The following TMEM178A variants were observed in gnomAD, a reference collection of about 807,000 sequenced individuals.
The protein encoded by TMEM178A is transmembrane protein 178.
Under a neutral mutation model 29.1 loss-of-function variants are expected in TMEM178A, and 12 were observed. The ratio of observed to expected loss-of-function variants is 0.41; its 90% CI spans 0.26 to 0.67. TMEM178A has a LOEUF of 0.67. Among genes scored for constraint, TMEM178A ranks in the 30% least tolerant of loss-of-function variants. TMEM178A has a pLI of 0.29. For synonymous variants in TMEM178A, 210 were observed against 187.2 expected (o/e 1.12, Z -0.99); for missense variants, 366 against 419.1 (o/e 0.87, Z 1.11).
At chr2:39,670,898 TTTG>T (rs1475597307) in intron 1 of TMEM178A, among the ~76,000 whole-genome samples, 12 of 152,224 alleles carry the variant, frequency 7.9e-5, no homozygotes, top group Admixed American at 7.9e-4. Flanking sequence ...TTATATATAC[TTTG>T]TGCATGTCAA....
chr2:39,726,787 A>C, the TMEM178A span, among the ~76,000 whole-genome samples: 1 of 152,126 alleles, frequency 6.6e-6, no homozygotes, highest in South Asian at 2.1e-4. Flanking sequence ...AAATGGTAGA[A>C]ATAATGTGTA....
intron 1 of TMEM178A, among the ~76,000 whole-genome samples, chr2:39,669,455 T>C (rs1670318986): frequency 6.6e-6 from 1 of 152,208 alleles, no homozygotes; most frequent in African/African-American, 2.4e-5. Context: ...ATTAGTCTAC[T>C]TAAGAGAAAT....
At chr2:39,694,940 T>G (rs1671474277) in intron 1 of TMEM178A, among the ~76,000 whole-genome samples, 2 of 152,234 alleles carry the variant, frequency 1.3e-5, no homozygotes, top group African/African-American at 4.8e-5. Context: ...TTGGGACTGG[T>G]TTAGCCATTT....
intron 1 of TMEM178A, among the ~76,000 whole-genome samples, chr2:39,674,146 A>G (rs1027596548): frequency 6.6e-6 from 1 of 152,262 alleles, no homozygotes; most frequent in African/African-American, 2.4e-5. Context: ...GGCTGAACTA[A>G]GGAGTGGCGG....
intron 1 of TMEM178A, among the ~76,000 whole-genome samples, chr2:39,674,672 T>TA (rs1004768958): frequency 1.3e-4 from 20 of 151,622 alleles, no homozygotes; most frequent in South Asian, 2.1e-4. Context: ...AAAAACAAAA[T>TA]AAAAAAAATT....
chr2:39,682,668 G>C (rs1572658630), intron 1 of TMEM178A, among the ~76,000 whole-genome samples: 1 of 152,234 alleles, frequency 6.6e-6, no homozygotes, highest in East Asian at 1.9e-4. Context: ...ATTTTTCTGT[G>C]TTCTAATGAG....
At chr2:39,699,518 G>T (rs1333540589) in intron 1 of TMEM178A, among the ~76,000 whole-genome samples, 2 of 151,380 alleles carry the variant, frequency 1.3e-5, no homozygotes, top group African/African-American at 4.9e-5. Context: ...GTGCAGTGGT[G>T]CAATCTCAGC....
chr2:39,666,050 A>T lies in TMEM178A; in HGVS notation c.76A>T (p.Ile26Phe). 2 of 1,562,684 alleles carry T rather than the reference A, an allele frequency of 1.3e-6. No individual in the cohort carries two copies. The change falls in exon 1 of 4, where the codon ATC becomes TTC. Residue 26 changes from isoleucine (I) to phenylalanine (F), a missense_variant. Coordinates refer to ENST00000281961, the MANE Select transcript of TMEM178A (RefSeq NM_152390.3). Reference protein sequence around the residue: ...LCSLGLLVTAIFTDHWYETDP... With the variant: ...LCSLGLLVTAFFTDHWYETDP... ...CTCCCTGGGGCTGCTCGTCACGGCC[A>T]TCTTCACCGACCACTGGTACGAGAC...
chr2:39,699,473 T>C (rs961512963), intron 1 of TMEM178A, among the ~76,000 whole-genome samples: 2 of 152,052 alleles, frequency 1.3e-5, no homozygotes, highest in Admixed American at 1.3e-4. Context: ...TGTTTTTGTT[T>C]TGAGACAGAG....
chr2:39,731,578 A>G, the TMEM178A span, among the ~76,000 whole-genome samples: 4 of 152,170 alleles, frequency 2.6e-5, no homozygotes, highest in Non-Finnish European at 5.9e-5. Context: ...CTCCCTCAAG[A>G]GGGCATTGAT....
In TMEM178A at chr2:39,717,069, C is replaced by T. The variant is rs1672573255; in HGVS notation, c.712C>T (p.Arg238Trp). Residue 238 changes from arginine (R) to tryptophan (W), a missense_variant, in exon 4 of 4, where the codon CGG becomes TGG. Arg to Trp is a moderately radical substitution (Grantham distance 101, BLOSUM62 -3). Coordinates refer to ENST00000281961, the MANE Select transcript of TMEM178A (RefSeq NM_152390.3). ...CGCCAGTATCTCGTATGATTTGAAC[C>T]GGCTCCCAAAGCTAATTTATAGCCT... ...YAASISYDLN[R>W]LPKLIYSLPA... The T allele has an allele frequency of 1.2e-6, 2 of 1,610,426 alleles. No individual in the cohort carries two copies. The highest frequency in any genetic ancestry group is 8.5e-7 in the Non-Finnish European group (1 of 1,179,364).
chr2:39,713,565 T>C (rs1483220446), intron 3 of TMEM178A, among the ~76,000 whole-genome samples: 1 of 152,202 alleles, frequency 6.6e-6, no homozygotes, highest in Non-Finnish European at 1.5e-5. Context: ...GAGGAGAGAC[T>C]ATGTGAAGAC....
the TMEM178A span, among the ~76,000 whole-genome samples, chr2:39,735,584 G>A: frequency 1.9e-4 from 29 of 152,280 alleles, no homozygotes; most frequent in Admixed American, 1.1e-3. Flanking sequence ...ACCGAGTAAC[G>A]AATTCACATT....
At chr2:39,687,067 C>G (rs1671111774) in intron 1 of TMEM178A, among the ~76,000 whole-genome samples, 1 of 150,610 alleles carries the variant, frequency 6.6e-6, no homozygotes, top group East Asian at 2.0e-4. Context: ...GGACTGTCTG[C>G]AAGTTGTCTC....
downstream of TMEM178A, among the ~76,000 whole-genome samples, chr2:39,722,607 G>C (rs933876811): frequency 2.6e-5 from 4 of 152,152 alleles, no homozygotes; most frequent in Non-Finnish European, 5.9e-5. Context: ...GGCACAAAGG[G>C]GAAAGATGTA....
intron 1 of TMEM178A, among the ~76,000 whole-genome samples, chr2:39,689,806 C>T (rs1463933368): frequency 6.6e-6 from 1 of 152,172 alleles, no homozygotes; most frequent in African/African-American, 2.4e-5. Context: ...GTTAAGAATA[C>T]CCCTGTGGTA....
intron 1 of TMEM178A, among the ~76,000 whole-genome samples, chr2:39,666,622 A>G (rs972204747): frequency 6.7e-6 from 1 of 149,596 alleles, no homozygotes; most frequent in Non-Finnish European, 1.5e-5. Flanking sequence ...TCCGTGCCGC[A>G]CCTCCCGCCT....
intron 1 of TMEM178A, among the ~76,000 whole-genome samples, chr2:39,686,839 C>T (rs539833683): frequency 6.4e-4 from 97 of 152,264 alleles, no homozygotes; most frequent in African/African-American, 2.2e-3. Context: ...TGCCTAATGG[C>T]GCTTTTTTCC....
chr2:39,733,005 C>T, the TMEM178A span, among the ~76,000 whole-genome samples: 1 of 152,206 alleles, frequency 6.6e-6, no homozygotes, highest in Admixed American at 6.5e-5. Context: ...AGGAGTGTGA[C>T]ATCAGCCCTT....
Sources: gnomAD v4.1 joint callset for allele counts (sites outside exome capture counted in the v4.1 genomes callset) on GRCh38, gnomAD v4.1.1 for gene constraint, MANE v1.5 for transcripts, NCBI Gene and HGNC (gene_info 2026-07-23, HGNC 2026-07-21) for gene names.